Variants in ABCC4 observed in about 807,000 individuals in gnomAD.
ABCC4 encodes ATP binding cassette subfamily C member 4 (PEL blood group), also known as ATP-binding cassette sub-family C member 4.
A neutral mutation model predicts 168.5 loss-of-function variants in ABCC4; 102 were observed. The observed-to-expected ratio is 0.61, with a 90% CI of 0.52 to 0.71. The LOEUF (loss-of-function observed/expected upper bound fraction) is 0.71. Among genes scored for constraint, ABCC4 ranks in the 30% least tolerant of loss-of-function variants. The pLI, the probability that ABCC4 is intolerant of heterozygous loss-of-function variation, is 0.00. For synonymous variants in ABCC4, 617 were observed against 590.7 expected, an observed-to-expected ratio of 1.04 and a Z score of -0.65; for missense variants, 1,402 against 1,605.8, an observed-to-expected ratio of 0.87 and a Z score of 2.17.
chr13:95,082,725 C>T (rs894116160), intron 21 of ABCC4, among the ~76,000 whole-genome samples: 5 of 152,080 alleles, frequency 3.3e-5, no homozygotes, highest in Admixed American at 1.3e-4. Context: ...TTAGTATCTT[C>T]GGGGAAAGAT....
intron 16 of ABCC4, 119 bp downstream of exon 16, chr13:95,164,259 C>T (rs2037200309): frequency 1.5e-6 from 2 of 1,312,342 alleles, no homozygotes; most frequent in South Asian, 2.9e-5. Context: ...CACTTTGTTC[C>T]CCAAAGACAG....
chr13:95,104,076 A>G (rs983162178), intron 20 of ABCC4, among the ~76,000 whole-genome samples: 3 of 152,152 alleles, frequency 2.0e-5, no homozygotes, highest in African/African-American at 7.2e-5. Flanking sequence ...GATACACAAT[A>G]CAAAATCCTT....
In ABCC4 at chr13:95,297,203, G is replaced by A. The variant is rs192366097; in HGVS notation, c.74+4038C>T. Among the ~76,000 whole-genome samples the A allele has an allele frequency of 1.9e-3, 290 of 149,864 alleles. 1 individual carries two copies. The highest frequency in any genetic ancestry group is 6.5e-3 in the African/African-American group (265 of 40,714). On this transcript the variant is annotated intron_variant, in intron 1 of 30. Coordinates refer to ENST00000645237, the MANE Select transcript of ABCC4 (RefSeq NM_005845.5). ...GGAGAATCACTTGAACCCTGGAGGCGGAGGTTGCAGTGAGCCGAGATCACA... is the reference window on the plus strand; with the variant it reads ...GGAGAATCACTTGAACCCTGGAGGCAGAGGTTGCAGTGAGCCGAGATCACA...
intron 29 of ABCC4, among the ~76,000 whole-genome samples, chr13:95,042,332 C>T (rs968525405): frequency 3.3e-5 from 5 of 152,226 alleles, no homozygotes; most frequent in African/African-American, 1.2e-4. Flanking sequence ...CCAAATCTAT[C>T]CATTGCACCA....
chr13:95,160,839 T>C (rs2037074156), intron 19 of ABCC4, among the ~76,000 whole-genome samples: 1 of 152,234 alleles, frequency 6.6e-6, no homozygotes, highest in Non-Finnish European at 1.5e-5. Context: ...ACACAGCCAA[T>C]GTTTAGCAAC....
chr13:95,170,262 A>C (rs2037422534), intron 14 of ABCC4: 1 of 329,290 alleles, frequency 3.0e-6, no homozygotes, highest in African/African-American at 2.1e-5. Context: ...TACAATTTGA[A>C]TTAAGTCATG....
At chr13:95,235,215 A>G (rs1218338562) in intron 3 of ABCC4, among the ~76,000 whole-genome samples, 2 of 152,164 alleles carry the variant, frequency 1.3e-5, no homozygotes, top group South Asian at 4.1e-4. Context: ...CACAAGTTTT[A>G]TATTTTCAAA....
intron 20 of ABCC4, among the ~76,000 whole-genome samples, chr13:95,085,417 A>C (rs1213641180): frequency 1.3e-5 from 2 of 152,122 alleles, no homozygotes; most frequent in Non-Finnish European, 2.9e-5. Flanking sequence ...TCCAGCCTGG[A>C]CGAGAAAGTG....
At chr13:95,109,692 G>A (rs1293544288) in intron 20 of ABCC4, among the ~76,000 whole-genome samples, 1 of 152,188 alleles carries the variant, frequency 6.6e-6, no homozygotes, top group Non-Finnish European at 1.5e-5. Context: ...GCTAGGATTG[G>A]AAATTTGTCT....
At chr13:95,268,025 G>A (rs1380944329) in intron 1 of ABCC4, among the ~76,000 whole-genome samples, 1 of 152,156 alleles carries the variant, frequency 6.6e-6, no homozygotes, top group African/African-American at 2.4e-5. Flanking sequence ...CTACTATGTG[G>A]GGAGAAGAAA....
chr13:95,137,151 A>G (rs1354545834), intron 19 of ABCC4, among the ~76,000 whole-genome samples: 1 of 152,238 alleles, frequency 6.6e-6, no homozygotes, highest in Non-Finnish European at 1.5e-5. Flanking sequence ...ATCTGCAACA[A>G]GCAGTGGAAG....
At chr13:95,072,106 C>T (rs1161876102) in intron 24 of ABCC4, among the ~76,000 whole-genome samples, 1 of 152,190 alleles carries the variant, frequency 6.6e-6, no homozygotes, top group South Asian at 2.1e-4. Context: ...CCACTTCTCA[C>T]ACCTGTATTA....
chr13:95,206,858 T>C, intron 7 of ABCC4, 77 bp from the exon 8 acceptor site: 1 of 1,503,578 alleles, frequency 6.7e-7, no homozygotes, highest in Non-Finnish European at 9.1e-7. Flanking sequence ...ATCTCAGCAC[T>C]TTGGGAGCTG....
At chr13:95,192,238 C>G (rs1159965458) in intron 9 of ABCC4, among the ~76,000 whole-genome samples, 1 of 152,142 alleles carries the variant, frequency 6.6e-6, no homozygotes, top group Non-Finnish European at 1.5e-5. Flanking sequence ...CTGTCTTTCT[C>G]CGAAATCCCA....
chr13:95,298,475 GA>G (rs1202219479), intron 1 of ABCC4, among the ~76,000 whole-genome samples: 1 of 152,068 alleles, frequency 6.6e-6, no homozygotes, highest in African/African-American at 2.4e-5. Flanking sequence ...CAGTTTTACT[GA>G]ATCAGTCCAG....
chr13:95,138,297 T>C (rs1460857164), intron 19 of ABCC4, among the ~76,000 whole-genome samples: 1 of 152,226 alleles, frequency 6.6e-6, no homozygotes, highest in Non-Finnish European at 1.5e-5. Flanking sequence ...GTACATGTCC[T>C]TATGCAATAA....
chr13:95,059,040 G>GT (rs1354420883), intron 26 of ABCC4, among the ~76,000 whole-genome samples: 1 of 152,222 alleles, frequency 6.6e-6, no homozygotes, highest in African/African-American at 2.4e-5. Flanking sequence ...GAGTAATATC[G>GT]TGTTGTGAGA....
At chr13:95,280,796 T>G (rs2041101250) in intron 1 of ABCC4, among the ~76,000 whole-genome samples, 1 of 152,028 alleles carries the variant, frequency 6.6e-6, no homozygotes, top group South Asian at 2.1e-4. Flanking sequence ...TCCACAGACT[T>G]CAGCCTATTT....
intron 8 of ABCC4, among the ~76,000 whole-genome samples, chr13:95,198,420 A>G (rs1751024): frequency 0.68 from 103,198 of 151,838 alleles, 35,655 homozygotes; most frequent in Non-Finnish European, 0.72. Flanking sequence ...ACCATCTCAC[A>G]CCAGTTAGAA....
Sources: allele counts gnomAD v4.1 joint callset (sites outside exome capture counted in the v4.1 genomes callset), GRCh38; gene constraint gnomAD v4.1.1; transcripts MANE v1.5; gene names NCBI Gene and HGNC (gene_info 2026-07-23, HGNC 2026-07-21).